Variants in MCC observed in about 807,000 individuals in gnomAD.
MCC encodes the protein MCC regulator of Wnt signaling pathway, also known as colorectal mutant cancer protein.
Under a neutral mutation model 116.2 loss-of-function variants are expected in MCC, and 90 were observed. That is an observed-to-expected ratio of 0.77 (90% CI 0.65 to 0.92). The LOEUF (loss-of-function observed/expected upper bound fraction) is 0.92, where lower values mean the gene tolerates loss of function less well. Ranked by LOEUF, MCC falls within the 40% of genes least tolerant of loss-of-function variation. MCC has a pLI of 0.00. For missense variants in MCC, 1,516 were observed against 1,312.2 expected, an observed-to-expected ratio of 1.16 and a Z score of -2.40; for synonymous variants, 578 against 510.5, an observed-to-expected ratio of 1.13 and a Z score of -1.78.
intron 3 of MCC, among the ~76,000 whole-genome samples, chr5:113,235,297 C>G (rs572201263): frequency 6.6e-6 from 1 of 152,156 alleles, no homozygotes; most frequent in Non-Finnish European, 1.5e-5. Context: ...GAATTTTTCT[C>G]TAAATAAAAA....
At chr5:113,171,651 G>A (rs539735032) in intron 3 of MCC, among the ~76,000 whole-genome samples, 2 of 152,088 alleles carry the variant, frequency 1.3e-5, no homozygotes, top group South Asian at 4.1e-4. Flanking sequence ...CACCGCGCCT[G>A]GCCCTGGAAA....
chr5:113,471,952 C>T (rs1040203521), intron 1 of MCC, among the ~76,000 whole-genome samples: 5 of 152,108 alleles, frequency 3.3e-5, no homozygotes, highest in African/African-American at 1.2e-4. Context: ...GGGCGTGGGA[C>T]CCTTCGAGCC....
chr5:113,283,396 A>C (rs1366736645), intron 3 of MCC, among the ~76,000 whole-genome samples: 1 of 152,256 alleles, frequency 6.6e-6, no homozygotes, highest in East Asian at 1.9e-4. Flanking sequence ...GAAAATGTAT[A>C]AATGGCCAAT....
intron 1 of MCC, among the ~76,000 whole-genome samples, chr5:113,402,923 C>A (rs6594714): frequency 6.6e-6 from 1 of 151,938 alleles, no homozygotes; most frequent in Non-Finnish European, 1.5e-5. Context: ...GCCTTCACAC[C>A]CAGATAATTT....
intron 2 of MCC, among the ~76,000 whole-genome samples, chr5:113,364,876 T>A (rs534029076): frequency 2.6e-4 from 40 of 152,216 alleles, no homozygotes; most frequent in African/African-American, 9.1e-4. Context: ...GCTGGAGTAG[T>A]TTGGATGCAG....
At chr5:113,105,879 C>T (rs6894919) in intron 6 of MCC, among the ~76,000 whole-genome samples, 8,975 of 152,214 alleles carry the variant, frequency 0.059, 578 homozygotes, top group African/African-American at 0.16. Context: ...CTTACCAGAG[C>T]CTGTAAAACT....
rs75818493 is a variant in MCC, at chr5:113,244,938, A to T, written c.628-93516T>A. On this transcript the variant is annotated intron_variant, in intron 3 of 18. Coordinates refer to ENST00000408903, the MANE Select transcript of MCC (RefSeq NM_001085377.2). ...TTGTTCAGGCAGCAATACTGCCCAC[A>T]AGTATGAGAAACTTAATATTGATTA... 3.2e-4 allele frequency among the ~76,000 whole-genome samples: 49 copies of T among 152,368 alleles called. No individual in the cohort carries two copies. In the East Asian group the frequency reaches 8.5e-3, roughly 26 times the overall value.
chr5:113,080,159 G>T (rs955153610), intron 11 of MCC, among the ~76,000 whole-genome samples: 1 of 152,202 alleles, frequency 6.6e-6, no homozygotes, highest in Non-Finnish European at 1.5e-5. Context: ...AACAACAGGT[G>T]CTGGAAAGGA....
intron 8 of MCC, among the ~76,000 whole-genome samples, chr5:113,089,154 G>A (rs890213052): frequency 2.0e-5 from 3 of 152,092 alleles, no homozygotes; most frequent in Admixed American, 6.5e-5. Flanking sequence ...AAGTTACTGC[G>A]TGTCTGGTAA....
intron 1 of MCC, among the ~76,000 whole-genome samples, chr5:113,421,410 C>T (rs758617337): frequency 2.6e-5 from 4 of 152,148 alleles, no homozygotes; most frequent in Non-Finnish European, 5.9e-5. Flanking sequence ...AGACTTACTG[C>T]TCAGAGAAAA....
intron 2 of MCC, among the ~76,000 whole-genome samples, chr5:113,378,976 T>C (rs950532244): frequency 1.6e-4 from 25 of 152,328 alleles, no homozygotes; most frequent in Non-Finnish European, 7.3e-5. Context: ...AGATTATTTG[T>C]TTTTCATGGG....
chr5:113,229,784 A>C (rs530723562), intron 3 of MCC, among the ~76,000 whole-genome samples: 20 of 152,362 alleles, frequency 1.3e-4, no homozygotes, highest in African/African-American at 4.6e-4. Flanking sequence ...TACAGTACTC[A>C]GTACTCAGTA....
At chr5:113,030,622 G>C (rs1432725857) in intron 17 of MCC, among the ~76,000 whole-genome samples, 1 of 152,272 alleles carries the variant, frequency 6.6e-6, no homozygotes, top group South Asian at 2.1e-4. Context: ...CAAGACCAGT[G>C]AGCCATGATC....
intron 1 of MCC, among the ~76,000 whole-genome samples, chr5:113,427,713 C>T (rs11952758): frequency 0.12 from 17,568 of 152,162 alleles, 1,768 homozygotes; most frequent in African/African-American, 0.27. Flanking sequence ...ATTAACACTA[C>T]ACAAATATGT....
chr5:113,057,182 G>A (rs961718471), intron 14 of MCC, among the ~76,000 whole-genome samples: 1 of 152,206 alleles, frequency 6.6e-6, no homozygotes, highest in African/African-American at 2.4e-5. Context: ...GAGGGAGTGC[G>A]TGGGAGGGGC....
intron 3 of MCC, among the ~76,000 whole-genome samples, chr5:113,327,331 G>A (rs1767580948): frequency 1.3e-5 from 2 of 151,830 alleles, no homozygotes; most frequent in African/African-American, 2.4e-5. Context: ...CAGATCACCT[G>A]AGGTCAGGAG....
chr5:113,046,232 G>A (rs1286594611), intron 16 of MCC, among the ~76,000 whole-genome samples: 1 of 151,064 alleles, frequency 6.6e-6, no homozygotes, highest in Non-Finnish European at 1.5e-5. Context: ...TGACTCTGTC[G>A]CCCAGGCTGT....
chr5:113,246,212 A>G (rs991123966), intron 3 of MCC, among the ~76,000 whole-genome samples: 8 of 152,330 alleles, frequency 5.3e-5, no homozygotes, highest in Admixed American at 5.2e-4. Context: ...AGGGTTCTGG[A>G]GGCAGTTAAA....
intron 2 of MCC, among the ~76,000 whole-genome samples, chr5:113,369,906 C>T (rs1176875241): frequency 6.6e-6 from 1 of 152,054 alleles, no homozygotes; most frequent in Non-Finnish European, 1.5e-5. Flanking sequence ...TGTCTGTTTC[C>T]CTCATTAAAA....
Sources: allele counts gnomAD v4.1 joint callset (sites outside exome capture counted in the v4.1 genomes callset), GRCh38; gene constraint gnomAD v4.1.1; transcripts MANE v1.5; gene names NCBI Gene and HGNC (gene_info 2026-07-23, HGNC 2026-07-21).